CPSF4L: variants seen among roughly 807,000 people sequenced by gnomAD.
The protein encoded by CPSF4L is cleavage and polyadenylation specific factor 4 like.
In CPSF4L, 18 loss-of-function variants were observed where a neutral mutation model predicts 24.0. That is an observed-to-expected ratio of 0.75 (90% CI 0.52 to 1.11). CPSF4L has a LOEUF of 1.11. Ranked by LOEUF, CPSF4L falls within the 50% of genes least tolerant of loss-of-function variation. CPSF4L has a pLI of 0.00. For missense variants in CPSF4L, 211 were observed against 221.8 expected, an observed-to-expected ratio of 0.95 and a Z score of 0.31; for synonymous variants, 72 against 77.2, an observed-to-expected ratio of 0.93 and a Z score of 0.35.
At chr17:73,243,095 T>TTTTTTTTTTGTTTTTTTTTTG in the CPSF4L span, 1 of 936,786 alleles carries the variant, frequency 1.1e-6, no homozygotes, top group Non-Finnish European at 1.6e-6. Context: ...TTTTTTTTTT[T>TTTTTTTTTTGTTTTTTTTTTG]TTTTTTACAG....
At chr17:73,257,994 G>A (rs1187810656) in intron 2 of CPSF4L, among the ~76,000 whole-genome samples, 161 bp from the exon 3 acceptor site, 1 of 151,608 alleles carries the variant, frequency 6.6e-6, no homozygotes. Flanking sequence ...TGGGAGCCGA[G>A]GCAGCATGAA....
At chr17:73,260,204 G>A (rs933395215) in intron 2 of CPSF4L, among the ~76,000 whole-genome samples, 1 of 152,168 alleles carries the variant, frequency 6.6e-6, no homozygotes, top group Non-Finnish European at 1.5e-5. Flanking sequence ...GCAGGGGACT[G>A]GGGGAGAAGG....
intron 2 of CPSF4L, among the ~76,000 whole-genome samples, chr17:73,259,742 A>G (rs528088692): frequency 6.6e-6 from 1 of 152,194 alleles, no homozygotes; most frequent in African/African-American, 2.4e-5. Flanking sequence ...AAGACAAACA[A>G]GGCAGGTGGG....
downstream of CPSF4L, chr17:73,247,302 G>C (rs771546266): frequency 2.5e-6 from 4 of 1,614,218 alleles, no homozygotes; most frequent in Non-Finnish European, 3.4e-6. Context: ...GTGTGGCGAA[G>C]ACGACTGGGG....
At chr17:73,248,733 G>A in intron 5 of CPSF4L, 197 bp from the exon 6 acceptor site, 4 of 614,918 alleles carry the variant, frequency 6.5e-6, no homozygotes, top group African/African-American at 5.5e-5. Context: ...CTCACACGTG[G>A]TCTGTGTAAG....
intron 5 of CPSF4L, 86 bp downstream of exon 5, chr17:73,252,544 G>T: frequency 2.4e-6 from 2 of 822,542 alleles, no homozygotes; most frequent in South Asian, 1.5e-5. Context: ...TTCCACTAAG[G>T]ACCAGCGAAG....
upstream of CPSF4L, chr17:73,262,125 T>C: frequency 3.1e-6 from 1 of 318,706 alleles, no homozygotes; most frequent in Non-Finnish European, 5.9e-6. Flanking sequence ...TCTTTGCATG[T>C]TACCGAACAC....
intron 5 of CPSF4L, among the ~76,000 whole-genome samples, chr17:73,250,473 G>A (rs1183952200): frequency 6.6e-6 from 1 of 152,126 alleles, no homozygotes; most frequent in East Asian, 1.9e-4. Context: ...CCCAGAGAAC[G>A]AGGCTGGCAC....
intron 5 of CPSF4L, chr17:73,251,155 GC>G: frequency 6.9e-7 from 1 of 1,458,890 alleles, no homozygotes; most frequent in Non-Finnish European, 9.1e-7. Context: ...GTCCCTGTGT[GC>G]AGACACCAAC....
chr17:73,263,541 A>G (rs1679878403), upstream of CPSF4L, among the ~76,000 whole-genome samples: 1 of 152,104 alleles, frequency 6.6e-6, no homozygotes, highest in African/African-American at 2.4e-5. Context: ...AGGTTGGGGC[A>G]TGGAGCAATG....
At chr17:73,245,606 T>G (rs977609795), downstream of CPSF4L, 4 of 985,296 alleles carry the variant, frequency 4.1e-6, no homozygotes, top group Non-Finnish European at 4.8e-6. Context: ...CAGGAAAGTA[T>G]CTGAATTGGC....
rs187568414 is a variant in CPSF4L at position 73,260,724 on chromosome 17, G to A, written c.154+209C>T. 1.8e-3 allele frequency among the ~76,000 whole-genome samples: 274 copies of A among 152,248 alleles called. 1 individual carries two copies. Among genetic ancestry groups the A allele is most frequent in the African/African-American group, 6.4e-3 (264 of 41,534 alleles). On this transcript the variant is annotated intron_variant, in intron 2 of 5. Coordinates refer to ENST00000344935, the MANE Select transcript of CPSF4L (RefSeq NM_001129885.1). The stretch of plus-strand genomic sequence containing the variant: ...AGAGGTTGCAGTGAGTTGAGATCAC[G>A]CCAGATCACTCTAGCCTGGGCAACA...
At position 73,253,914 on chromosome 17, in the gene CPSF4L, G is replaced by A. The variant is rs1422876741; in HGVS notation, c.403+17C>T. 2 of 1,535,254 alleles carry A rather than the reference G, an allele frequency of 1.3e-6. No individual in the cohort carries two copies. The highest frequency in any genetic ancestry group is 8.8e-7 in the Non-Finnish European group (1 of 1,132,574). ...ATCCCCACAGCCCCTAGGGCTCCCT[G>A]GCTTCCAAGGCCTCACCGTCCTTGC... On this transcript the variant is annotated intron_variant, in intron 4 of 5. Coordinates refer to ENST00000344935, the MANE Select transcript of CPSF4L (RefSeq NM_001129885.1).
chr17:73,244,715 A>G (rs1406257088), downstream of CPSF4L: 1 of 153,198 alleles, frequency 6.5e-6, no homozygotes, highest in Non-Finnish European at 1.5e-5. Context: ...AGAAAAAAAA[A>G]AATCACAATT....
chr17:73,261,468 T>C (rs547987769), intron 1 of CPSF4L, among the ~76,000 whole-genome samples: 2 of 152,168 alleles, frequency 1.3e-5, no homozygotes, highest in Non-Finnish European at 2.9e-5. Flanking sequence ...GAGACCATCC[T>C]GGCTAACATG....
chr17:73,256,453 G>T (rs1363850997), intron 3 of CPSF4L, among the ~76,000 whole-genome samples: 1 of 152,194 alleles, frequency 6.6e-6, no homozygotes, highest in Non-Finnish European at 1.5e-5. Flanking sequence ...CAGCCGCTTG[G>T]GGGGCCCTGA....
the CPSF4L span, chr17:73,242,854 T>G: frequency 3.3e-6 from 5 of 1,535,094 alleles, no homozygotes; most frequent in Middle Eastern, 4.1e-4. Flanking sequence ...CTGGCCCTAG[T>G]TTCAGTTGCT....
At chr17:73,248,253 C>T (rs969017483), downstream of CPSF4L, 9 of 494,150 alleles carry the variant, frequency 1.8e-5, no homozygotes, top group South Asian at 5.5e-5. Flanking sequence ...CTCCTCAGAA[C>T]GAATAGTAGA....
the CPSF4L span, chr17:73,242,383 TGCAGG>T: frequency 6.9e-7 from 1 of 1,450,656 alleles, no homozygotes; most frequent in Non-Finnish European, 9.4e-7. Context: ...TGTCTTCTGT[TGCAGG>T]TTCTGGGCAT....
Sources: allele counts gnomAD v4.1 joint callset (sites outside exome capture counted in the v4.1 genomes callset), GRCh38; gene constraint gnomAD v4.1.1; transcripts MANE v1.5; gene names NCBI Gene and HGNC (gene_info 2026-07-23, HGNC 2026-07-21).